The following WNT2B variants were observed in gnomAD, a reference collection of about 807,000 sequenced individuals.
WNT2B encodes protein Wnt-2b.
A neutral mutation model predicts 40.5 loss-of-function variants in WNT2B; 19 were observed. The observed-to-expected ratio is 0.47, with a 90% confidence interval of 0.33 to 0.69. The LOEUF (loss-of-function observed/expected upper bound fraction) is 0.69, where lower values mean the gene tolerates loss of function less well. Ranked by LOEUF, WNT2B falls within the 30% of genes least tolerant of loss-of-function variation. The pLI, the probability that WNT2B is intolerant of heterozygous loss-of-function variation, is 0.02. For missense variants in WNT2B, 467 were observed against 556.4 expected, an observed-to-expected ratio of 0.84 and a Z score of 1.62; for synonymous variants, 220 against 211.9, an observed-to-expected ratio of 1.04 and a Z score of -0.33.
At position 112,520,476 on chromosome 1, in the gene WNT2B, C is replaced by T. The variant is rs145437043; in HGVS notation, c.1143C>T (p.Ala381=). The change falls in exon 5 of 5, where the codon GCC becomes GCT. Residue 381 remains alanine, a synonymous_variant. Coordinates refer to ENST00000369684, the MANE Select transcript of WNT2B (RefSeq NM_024494.3). Reference sequence around the variant, plus strand: ...CTGTGGACGTCCATACTTGCAAAGCCCCCAAGAAGGCAGAGTGGCTGGACC... The same window carrying T: ...CTGTGGACGTCCATACTTGCAAAGCTCCCAAGAAGGCAGAGTGGCTGGACC... ...RNTVDVHTCK[A]PKKAEWLDQT is the part of the protein sequence containing the mutation. The T allele has an allele frequency of 1.6e-5, 26 of 1,614,040 alleles. No homozygotes were observed. Among genetic ancestry groups the T allele is most frequent in the Non-Finnish European group, 2.1e-5 (25 of 1,180,024 alleles).
intron 1 of WNT2B, among the ~76,000 whole-genome samples, chr1:112,472,724 T>A (rs1434042989): frequency 2.6e-5 from 4 of 151,974 alleles, no homozygotes; most frequent in African/African-American, 7.2e-5. Flanking sequence ...TAGAAAAATA[T>A]GGCAAATAAT....
chr1:112,519,872 C>CTTCTTTT lies in WNT2B; in HGVS notation c.947-406_947-405insCTTTTTT, dbSNP rs10634267. The stretch of plus-strand genomic sequence containing the variant: ...CAAGATGATGTCAGAGCCCATGCTT[C>CTTCTTTT]TTTTTTTTTTTTTTTTTTTTGGAGA... On this transcript the variant is annotated intron_variant, in intron 4 of 4. Coordinates refer to ENST00000369684, the MANE Select transcript of WNT2B (RefSeq NM_024494.3). Among the ~76,000 whole-genome samples, 199 of 115,610 alleles carry CTTCTTTT rather than the reference C, an allele frequency of 1.7e-3. 2 individuals are homozygous for CTTCTTTT. Among genetic ancestry groups the CTTCTTTT allele is most frequent in the African/African-American group, 4.8e-3 (151 of 31,538 alleles). 75.8% of individuals were successfully genotyped at this position (115,610 alleles called of 152,430 possible). A position where few individuals can be genotyped will look rare whatever the true frequency, so the allele number is the denominator to read the frequency against.
intron 1 of WNT2B, among the ~76,000 whole-genome samples, chr1:112,488,479 T>C (rs908246330): frequency 1.1e-4 from 17 of 152,082 alleles, no homozygotes; most frequent in Admixed American, 7.9e-4. Flanking sequence ...TTGTAAATGC[T>C]GTAAATAACT....
At chr1:112,468,416 A>G (rs149666249) in intron 1 of WNT2B, among the ~76,000 whole-genome samples, 2 of 152,304 alleles carry the variant, frequency 1.3e-5, no homozygotes, top group African/African-American at 4.8e-5. Context: ...CATTCCCACC[A>G]TCAGTGTATA....
In WNT2B at chr1:112,490,983, T is replaced by C. The variant is rs755044291; in HGVS notation, c.-95+23392T>C. On this transcript the variant is annotated intron_variant, in intron 1 of 4. Transcript: ENST00000256640. Reference sequence around the variant, plus strand: ...AATCCATAGCATTTATTATGTTAAATTGCGCCTGTGTTTTCTTTTCCGACC... The same window carrying C: ...AATCCATAGCATTTATTATGTTAAACTGCGCCTGTGTTTTCTTTTCCGACC... 17 of 1,607,586 alleles carry C rather than the reference T, an allele frequency of 1.1e-5. No homozygotes were observed. In the South Asian group the frequency reaches 1.9e-4, roughly 18 times the overall value.
At position 112,524,010 on chromosome 1, in the gene WNT2B, CAA is replaced by C. The variant is rs1557928178; in HGVS notation, c.*3506_*3507del. On this transcript the variant is annotated 3_prime_UTR_variant, in exon 5 of 5. Coordinates refer to ENST00000369684, the MANE Select transcript of WNT2B (RefSeq NM_024494.3). ...AGGGGCTTCAGATTAAAAAAAAAAACAAAAAACAAAAAACAAAAACAAACATT... is the reference window on the plus strand; with the variant it reads ...AGGGGCTTCAGATTAAAAAAAAAAACAAAACAAAAAACAAAAACAAACATT... 1 of 150,748 alleles carries C rather than the reference CAA, an allele frequency of 6.6e-6. No homozygotes were observed. The highest frequency in any genetic ancestry group is 1.5e-5 in the Non-Finnish European group (1 of 67,596). 9.3% of individuals were successfully genotyped at this position (150,748 alleles called of 1,614,324 possible).
chr1:112,500,918 C>G (rs186820682), intron 1 of WNT2B, among the ~76,000 whole-genome samples: 8 of 152,224 alleles, frequency 5.3e-5, no homozygotes, highest in Non-Finnish European at 1.2e-4. Flanking sequence ...GTTGTCACAA[C>G]AGTGGACCAA....
rs184613619 is a variant in WNT2B at position 112,475,764 on chromosome 1, G to A, written c.-95+8173G>A. ...AAAATAATCTATAAGAAGGAAAGAA[G>A]AACAAAGAACCTATGGTAGAAAAAT... On this transcript the variant is annotated intron_variant, in intron 1 of 4. Transcript: ENST00000256640. Among the ~76,000 whole-genome samples the A allele has an allele frequency of 2.6e-5, 4 of 151,748 alleles. No individual in the cohort carries two copies. In the East Asian group the frequency reaches 7.7e-4, roughly 29 times the overall value.
rs1653012320 is a variant in WNT2B at position 112,523,774 on chromosome 1, T to A, written c.*3265T>A. The A allele has an allele frequency of 6.6e-6, 1 of 152,124 alleles. No homozygotes were observed. Among genetic ancestry groups the A allele is most frequent in the African/African-American group, 2.4e-5 (1 of 41,430 alleles). 9.4% of individuals were successfully genotyped at this position (152,124 alleles called of 1,614,324 possible). On this transcript the variant is annotated 3_prime_UTR_variant, in exon 5 of 5. Transcript: ENST00000369684. ...ATTTAGATACAAACTTAAAACATACTATATATTTTAAGGATCTAAGAATCC... is the reference window on the plus strand; with the variant it reads ...ATTTAGATACAAACTTAAAACATACAATATATTTTAAGGATCTAAGAATCC...
chr1:112,511,041 A>G (rs1395632468), intron 1 of WNT2B, among the ~76,000 whole-genome samples: 2 of 152,060 alleles, frequency 1.3e-5, no homozygotes, highest in Non-Finnish European at 2.9e-5. Context: ...TTGGGGACCA[A>G]TTGGTGTTTG....
chr1:112,498,615 A>G (rs1309391112), intron 1 of WNT2B, among the ~76,000 whole-genome samples: 1 of 151,926 alleles, frequency 6.6e-6, no homozygotes, highest in Non-Finnish European at 1.5e-5. Flanking sequence ...TAGGACATGG[A>G]CATAACACGG....
chr1:112,495,324 C>T (rs1436197411), intron 1 of WNT2B, among the ~76,000 whole-genome samples: 1 of 151,968 alleles, frequency 6.6e-6, no homozygotes, highest in African/African-American at 2.4e-5. Flanking sequence ...CGTCTGTAAT[C>T]CCAGCACTTT....
Position 112,514,860 on chromosome 1 carries a change from T to C in WNT2B, c.183-14T>C. Reference sequence around the variant, plus strand: ...GGTCTGGGATGTTCTGACAGGGCCATCTCTGCCTTGCAGGTACATTGGGGC... The same window carrying C: ...GGTCTGGGATGTTCTGACAGGGCCACCTCTGCCTTGCAGGTACATTGGGGC... On this transcript the variant is annotated splice_polypyrimidine_tract_variant and intron_variant, in intron 1 of 4. Coordinates refer to ENST00000369684, the MANE Select transcript of WNT2B (RefSeq NM_024494.3). The C allele has an allele frequency of 6.2e-7, 1 of 1,613,978 alleles. No homozygotes were observed. Among genetic ancestry groups the C allele is most frequent in the Non-Finnish European group, 8.5e-7 (1 of 1,179,830 alleles).
chr1:112,512,921 C>G (rs1652404741), intron 1 of WNT2B, among the ~76,000 whole-genome samples: 1 of 152,170 alleles, frequency 6.6e-6, no homozygotes, highest in South Asian at 2.1e-4. Context: ...ATCTTCCCAT[C>G]TTAGATACTG....
chr1:112,507,865 G>T (rs1652170508), upstream of WNT2B, among the ~76,000 whole-genome samples: 1 of 152,244 alleles, frequency 6.6e-6, no homozygotes, highest in Non-Finnish European at 1.5e-5. Context: ...TTAAGCCCAG[G>T]ATTTTAAAAA....
At chr1:112,477,772 G>C (rs1435087993) in intron 1 of WNT2B, among the ~76,000 whole-genome samples, 2 of 151,894 alleles carry the variant, frequency 1.3e-5, no homozygotes, top group Non-Finnish European at 2.9e-5. Context: ...CAGCAGACTT[G>C]ATCAAGCAAA....
At chr1:112,467,236 G>T in exon 1 of WNT2B, 1 of 383,658 alleles carries the variant, frequency 2.6e-6, no homozygotes, top group Non-Finnish European at 4.7e-6. Context: ...TGGAAGTCTA[G>T]ATCAGGAGAA....
chr1:112,526,238 C>T lies in WNT2B; in HGVS notation c.*5729C>T. The stretch of plus-strand genomic sequence containing the variant: ...CCTCCTGAACCTTATCAACCAATGG[C>T]TCTTTTGCCATTTCTGCCACTATTA... On this transcript the variant is annotated 3_prime_UTR_variant, in exon 5 of 5. Transcript: ENST00000369684. The T allele has an allele frequency of 7.6e-7, 1 of 1,319,086 alleles. No individual in the cohort carries two copies. Among genetic ancestry groups the T allele is most frequent in the East Asian group, 2.3e-5 (1 of 43,038 alleles). The allele number at this position is 1,319,086 out of a possible 1,614,324, so 81.7% of individuals were successfully genotyped here. A position where few individuals can be genotyped will look rare whatever the true frequency, so the allele number is the denominator to read the frequency against.
At chr1:112,502,496 A>G (rs984322571) in intron 1 of WNT2B, among the ~76,000 whole-genome samples, 1 of 152,248 alleles carries the variant, frequency 6.6e-6, no homozygotes, top group African/African-American at 2.4e-5. Context: ...GGCAGAGGGA[A>G]TGCTTTGATC....
Sources: gnomAD v4.1 joint callset for allele counts (sites outside exome capture counted in the v4.1 genomes callset) on GRCh38, gnomAD v4.1.1 for gene constraint, MANE v1.5 for transcripts, NCBI Gene and HGNC (gene_info 2026-07-23, HGNC 2026-07-21) for gene names.